SYNRG: variants seen among roughly 807,000 people sequenced by gnomAD.
SYNRG encodes synergin gamma.
A neutral mutation model predicts 130.9 loss-of-function variants in SYNRG; 37 were observed. The ratio of observed to expected loss-of-function variants is 0.28; its 90% CI spans 0.22 to 0.37. The LOEUF (loss-of-function observed/expected upper bound fraction) is 0.37. SYNRG is among the 10% of genes least tolerant of loss of function. The probability of loss-of-function intolerance (pLI) is 1.00; values close to 1 mark genes in which losing one functional copy is unlikely to be tolerated. For synonymous variants in SYNRG, 539 were observed against 568.1 expected (o/e 0.95, Z 0.73); for missense variants, 1,338 against 1,588.9 (o/e 0.84, Z 2.68).
Position 37,577,410 on chromosome 17 carries a change from A to C in SYNRG, c.793T>G (p.Ser265Ala), listed in dbSNP as rs766903504. Residue 265 changes from serine (S) to alanine (A), a missense_variant, in exon 7 of 22, where the codon TCA becomes GCA. This residue lies in a region of SYNRG where 1,146 missense variants were observed against 1,342.3 expected (regional missense o/e 0.85). Coordinates refer to ENST00000612223, the MANE Select transcript of SYNRG (RefSeq NM_007247.6). ...TCTTCAATTGACAGGTTTTGATCTG[A>C]AGTATTTTCTGCCTCTGCAGTGGTG... ...GTTTAEAENTSDQNLSIEESG... is the reference protein window; with the variant it reads ...GTTTAEAENTADQNLSIEESG... 6.2e-7 allele frequency: 1 copy of C among 1,614,200 alleles called. No homozygotes were observed.
At chr17:37,589,900 T>C (rs140849514) in intron 3 of SYNRG, among the ~76,000 whole-genome samples, 108 of 149,652 alleles carry the variant, frequency 7.2e-4, no homozygotes, top group African/African-American at 2.6e-3. Context: ...GCCGGGCGCA[T>C]TGGCTCACAC....
intron 13 of SYNRG, among the ~76,000 whole-genome samples, chr17:37,558,392 A>C (rs1480386913): frequency 6.6e-6 from 1 of 152,250 alleles, no homozygotes; most frequent in Admixed American, 6.5e-5. Flanking sequence ...TGTTCCCAGA[A>C]GGAAATTCTC....
chr17:37,576,566 C>A, intron 7 of SYNRG, 148 bp from the exon 8 acceptor site: 1 of 585,966 alleles, frequency 1.7e-6, no homozygotes, highest in Non-Finnish European at 2.9e-6. Flanking sequence ...CCCCTGCCTC[C>A]GATTCAGAAT....
In SYNRG at chr17:37,540,481, C is replaced by G; in HGVS notation, c.3265G>C (p.Ala1089Pro). ...CGGTCTCTGAAAGGCTGCTCCAAAG[C>G]TGGAGAAGGAGAAGAACGGCTTATT... Reference protein sequence around the residue: ...KEISRSSPSPALEQPFRDRSN... With the variant: ...KEISRSSPSPPLEQPFRDRSN... Residue 1089 changes from alanine (A) to proline (P), a missense_variant, in exon 16 of 22, where the codon GCT becomes CCT. This residue lies in a region of SYNRG where 1,146 missense variants were observed against 1,342.3 expected (regional missense o/e 0.85). Coordinates refer to ENST00000612223, the MANE Select transcript of SYNRG (RefSeq NM_007247.6). The G allele has an allele frequency of 6.2e-7, 1 of 1,614,050 alleles. No individual in the cohort carries two copies. Among genetic ancestry groups the G allele is most frequent in the Non-Finnish European group, 8.5e-7 (1 of 1,180,008 alleles).
At chr17:37,599,622 G>A (rs2063091134) in intron 2 of SYNRG, among the ~76,000 whole-genome samples, 1 of 152,198 alleles carries the variant, frequency 6.6e-6, no homozygotes, top group Admixed American at 6.5e-5. Context: ...CTGGGAAGCT[G>A]AGGTGGGAGG....
chr17:37,538,659 G>A (rs1289429826), intron 17 of SYNRG, among the ~76,000 whole-genome samples: 1 of 152,210 alleles, frequency 6.6e-6, no homozygotes, highest in Non-Finnish European at 1.5e-5. Context: ...GCAGTGGCAA[G>A]ATCTCGGCTC....
At chr17:37,539,096 C>G in intron 17 of SYNRG, 96 bp downstream of exon 17, 1 of 1,571,438 alleles carries the variant, frequency 6.4e-7, no homozygotes. Context: ...GTAAGGCTCT[C>G]CTGAAGTTTG....
chr17:37,528,634 C>T lies in SYNRG; in HGVS notation c.3666+7345G>A, dbSNP rs78733296. ...CTAATAATGATTTCTCCACTTTGAG[C>T]GTCTAATCCAGAGTCCTGGAAGTTT... On this transcript the variant is annotated intron_variant, in intron 19 of 21. Coordinates refer to ENST00000612223, the MANE Select transcript of SYNRG (RefSeq NM_007247.6). Among the ~76,000 whole-genome samples, 642 of 152,290 alleles carry T rather than the reference C, an allele frequency of 4.2e-3. 2 individuals carry two copies. The highest frequency in any genetic ancestry group is 0.014 in the African/African-American group (590 of 41,554).
rs766352870 is a variant in SYNRG at position 37,542,371 on chromosome 17, T to G, written c.2803A>C (p.Ser935Arg). ...ILQKKETSFGSSENITMTSLS... is the reference protein window; with the variant it reads ...ILQKKETSFGRSENITMTSLS... ...GATGTCATGGTGATGTTTTCAGAAC[T>G]GCCAAATGAAGTCTCTTTCTTTTGA... Residue 935 changes from serine to arginine, a missense_variant, in exon 15 of 22, where the codon AGT (serine) becomes CGT (arginine). Coordinates refer to ENST00000612223, the MANE Select transcript of SYNRG (RefSeq NM_007247.6). 44 of 1,614,090 alleles carry G rather than the reference T, an allele frequency of 2.7e-5. 1 individual carries two copies. In the Middle Eastern group the frequency reaches 8.2e-4, roughly 30 times the overall value.
At chr17:37,521,089 A>G (rs563997981) in intron 19 of SYNRG, among the ~76,000 whole-genome samples, 1 of 148,908 alleles carries the variant, frequency 6.7e-6, no homozygotes, top group East Asian at 2.0e-4. Context: ...CTGGAGTGCA[A>G]TGGTGTGATC....
At chr17:37,556,611 A>G (rs1245646773) in intron 13 of SYNRG, among the ~76,000 whole-genome samples, 1 of 151,900 alleles carries the variant, frequency 6.6e-6, no homozygotes, top group Non-Finnish European at 1.5e-5. Flanking sequence ...TAGTTAACCA[A>G]TTCACCAGCA....
chr17:37,577,312 C>G, intron 7 of SYNRG, 68 bp downstream of exon 7: 1 of 1,419,186 alleles, frequency 7.0e-7, no homozygotes, highest in Non-Finnish European at 9.9e-7. Flanking sequence ...AAGATTAATG[C>G]TTAAGGTGTT....
rs560564119 is a variant in SYNRG at position 37,587,315 on chromosome 17, C to G, written c.241-766G>C. Among the ~76,000 whole-genome samples the G allele has an allele frequency of 9.2e-5, 14 of 152,174 alleles. No homozygotes were observed. In the East Asian group the frequency reaches 2.7e-3, roughly 29 times the overall value. On this transcript the variant is annotated intron_variant, in intron 3 of 21. Transcript: ENST00000612223. Reference sequence around the variant, plus strand: ...CGTGTGCCCTCGATGGCACCTGGCTCAAAATCTAATATTAAGAATGATGAC... The same window carrying G: ...CGTGTGCCCTCGATGGCACCTGGCTGAAAATCTAATATTAAGAATGATGAC...
At chr17:37,586,636 TA>T in intron 3 of SYNRG, 87 bp from the exon 4 acceptor site, 2 of 1,443,288 alleles carry the variant, frequency 1.4e-6, no homozygotes, top group Non-Finnish European at 9.5e-7. Flanking sequence ...AATTCTATCT[TA>T]ATACTCTTAT....
At position 37,570,794 on chromosome 17, in the gene SYNRG, G is replaced by A. The variant is rs769445536; in HGVS notation, c.1190C>T (p.Thr397Ile). 1.1e-5 allele frequency: 18 copies of A among 1,614,120 alleles called. No homozygotes were observed. In the East Asian group the frequency reaches 2.7e-4, roughly 24 times the overall value. The change falls in exon 10 of 22, where the codon ACA becomes ATA. Residue 397 changes from threonine to isoleucine, a missense_variant. Coordinates refer to ENST00000612223, the MANE Select transcript of SYNRG (RefSeq NM_007247.6). ...TLSGFSMTLP[T>I]PVSQPTVIPS... is the part of the protein sequence containing the mutation. Reference sequence around the variant, plus strand: ...TATCACAGTTGGCTGACTCACCGGTGTAGGCAGAGTCATAGAAAAGCCACT... The same window carrying A: ...TATCACAGTTGGCTGACTCACCGGTATAGGCAGAGTCATAGAAAAGCCACT...
At chr17:37,554,112 T>TAA in intron 13 of SYNRG, 53 bp from the exon 14 acceptor site, 1 of 1,497,962 alleles carries the variant, frequency 6.7e-7, no homozygotes, top group Non-Finnish European at 9.1e-7. Context: ...GAAAACCATA[T>TAA]AATACACAGT....
chr17:37,540,610 C>T lies in SYNRG; in HGVS notation c.3203-67G>A. On this transcript the variant is annotated intron_variant, in intron 15 of 21. Transcript: ENST00000612223. The stretch of plus-strand genomic sequence containing the variant: ...ACCTTAGTTCAGGCAGAGGCTCTTC[C>T]TCGCTACCACAACCCTCTTCTTTTT... 5 of 1,447,536 alleles carry T rather than the reference C, an allele frequency of 3.5e-6. No individual in the cohort carries two copies. In the South Asian group the frequency reaches 6.8e-5, roughly 20 times the overall value. The allele number at this position is 1,447,536 out of a possible 1,614,324, so 89.7% of individuals were successfully genotyped here.
intron 14 of SYNRG, among the ~76,000 whole-genome samples, chr17:37,548,711 G>A (rs1440088799): frequency 6.6e-6 from 1 of 151,846 alleles, no homozygotes. Context: ...CCAGTTACTT[G>A]GGAGGCTGAG....
intron 20 of SYNRG, 49 bp from the exon 21 acceptor site, chr17:37,520,263 C>G (rs1326583950): frequency 5.0e-6 from 8 of 1,610,976 alleles, no homozygotes; most frequent in Admixed American, 3.3e-5. Context: ...AGAACAGGGC[C>G]TCTTGCCTCC....
Sources: gnomAD v4.1 joint callset for allele counts (sites outside exome capture counted in the v4.1 genomes callset) on GRCh38, gnomAD v4.1.1 for gene constraint, gnomAD v4.1.1 regional missense constraint, MANE v1.5 for transcripts, NCBI Gene and HGNC (gene_info 2026-07-23, HGNC 2026-07-21) for gene names.